Variants in SHROOM3 observed in about 807,000 individuals in gnomAD.
The protein encoded by SHROOM3 is shroom family member 3.
SHROOM3 carries 47 observed loss-of-function variants against 138.6 expected under a neutral mutation model. The observed-to-expected ratio is 0.34, with a 90% CI of 0.27 to 0.43. The LOEUF (loss-of-function observed/expected upper bound fraction) is 0.43, where lower values mean the gene tolerates loss of function less well. Ranked by LOEUF, SHROOM3 falls within the 20% of genes least tolerant of loss-of-function variation. The pLI is 1.00. For missense variants in SHROOM3, 2,491 were observed against 2,596.5 expected (o/e 0.96, Z 0.88); for synonymous variants, 1,062 against 1,063.3 (o/e 1.00, Z 0.02).
chr4:76,690,095 A>G (rs1719478189), intron 2 of SHROOM3, among the ~76,000 whole-genome samples: 1 of 152,138 alleles, frequency 6.6e-6, no homozygotes, highest in Non-Finnish European at 1.5e-5. Context: ...TCTGTAGGAA[A>G]GGCTCCTGAA....
intron 2 of SHROOM3, among the ~76,000 whole-genome samples, chr4:76,562,795 A>C (rs1239442085): frequency 4.6e-5 from 7 of 152,252 alleles, no homozygotes; most frequent in Non-Finnish European, 8.8e-5. Flanking sequence ...AGTTTAAAGA[A>C]GCAATTTATT....
At chr4:76,700,079 T>C (rs1031181101) in intron 2 of SHROOM3, among the ~76,000 whole-genome samples, 3 of 152,162 alleles carry the variant, frequency 2.0e-5, no homozygotes, top group African/African-American at 4.8e-5. Flanking sequence ...CAAATACTTA[T>C]TGGGCATCAT....
chr4:76,739,327 C>T lies in SHROOM3; in HGVS notation c.1154C>T (p.Pro385Leu), dbSNP rs775873096. 1.2e-6 allele frequency: 2 copies of T among 1,613,844 alleles called. No individual in the cohort carries two copies. Among genetic ancestry groups the T allele is most frequent in the African/African-American group, 2.7e-5 (2 of 74,942 alleles). ...CCTCCTAAGGTGGGTGCACCCCTGC[C>T]TCCAGCTCGGAGTGACAGTTACGCA... ...NLPPKVGAPL[P>L]PARSDSYAAF... Residue 385 changes from proline (P) to leucine (L), a missense_variant, in exon 5 of 11, where the codon CCT becomes CTT. Pro to Leu is a moderately conservative substitution (Grantham distance 98, BLOSUM62 -3). Coordinates refer to ENST00000296043, the MANE Select transcript of SHROOM3 (RefSeq NM_020859.4).
At chr4:76,772,905 C>T (rs1285520994) in intron 10 of SHROOM3, among the ~76,000 whole-genome samples, 2 of 152,136 alleles carry the variant, frequency 1.3e-5, no homozygotes, top group Non-Finnish European at 2.9e-5. Context: ...CGCAGTGACA[C>T]ATGAATACAG....
intron 2 of SHROOM3, among the ~76,000 whole-genome samples, chr4:76,637,122 A>G (rs1735519761): frequency 6.6e-6 from 1 of 152,232 alleles, no homozygotes; most frequent in South Asian, 2.1e-4. Flanking sequence ...ACTTACTGTA[A>G]TTGTCCAAGA....
At chr4:76,726,460 C>T (rs1720707084) in intron 3 of SHROOM3, among the ~76,000 whole-genome samples, 1 of 149,438 alleles carries the variant, frequency 6.7e-6, no homozygotes, top group Non-Finnish European at 1.5e-5. Context: ...GTCCCACAGG[C>T]ACTCATTCGC....
In SHROOM3 at chr4:76,754,930, G is replaced by A; in HGVS notation, c.4447G>A (p.Gly1483Arg). ...ACCTCTTGGGGCCCCGAGCACTCCA[G>A]GGAGGATCTCCCTCCGAATATCTGA... ...DTPLGAPSTP[G>R]RISLRISESV... is the part of the protein sequence containing the mutation. The change falls in exon 7 of 11, where the codon GGG becomes AGG. Residue 1483 changes from glycine (G) to arginine (R), a missense_variant. Gly to Arg is a moderately radical substitution (Grantham distance 125). Transcript: ENST00000296043. 2 of 1,614,164 alleles carry A rather than the reference G, an allele frequency of 1.2e-6. No homozygotes were observed. Among genetic ancestry groups the A allele is most frequent in the Non-Finnish European group, 1.7e-6 (2 of 1,180,014 alleles).
intron 2 of SHROOM3, among the ~76,000 whole-genome samples, chr4:76,693,366 G>GTTTGTTTTT (rs1460002096): frequency 1.7e-5 from 1 of 60,100 alleles, no homozygotes; most frequent in Non-Finnish European, 3.2e-5. Context: ...ATTTTGATAA[G>GTTTGTTTTT]TTTGTTTTTT....
chr4:76,751,359 C>T (rs1295014976), intron 6 of SHROOM3, among the ~76,000 whole-genome samples: 2 of 152,116 alleles, frequency 1.3e-5, no homozygotes, highest in African/African-American at 2.4e-5. Flanking sequence ...ATAATTCTCC[C>T]TGAATACATG....
At chr4:76,560,268 G>C (rs1733572982) in intron 2 of SHROOM3, among the ~76,000 whole-genome samples, 1 of 152,138 alleles carries the variant, frequency 6.6e-6, no homozygotes. Context: ...CATCCCTGAG[G>C]GTAATGGAAG....
intron 3 of SHROOM3, among the ~76,000 whole-genome samples, chr4:76,720,765 C>T (rs1373041340): frequency 6.6e-6 from 1 of 151,540 alleles, no homozygotes; most frequent in Admixed American, 6.6e-5. Context: ...GCACGCACCA[C>T]CACACCCCGC....
chr4:76,689,477 G>A, intron 2 of SHROOM3: 1 of 965,690 alleles, frequency 1.0e-6, no homozygotes, highest in South Asian at 4.8e-5. Flanking sequence ...GCGCCGCGCG[G>A]GATCAGCGTC....
chr4:76,629,910 G>T (rs368814199), intron 2 of SHROOM3, among the ~76,000 whole-genome samples: 4 of 152,300 alleles, frequency 2.6e-5, no homozygotes, highest in African/African-American at 9.6e-5. Flanking sequence ...AAACTGGGCT[G>T]GATATGTGAA....
chr4:76,742,021 CCCAGTT>C (rs1446510795), intron 5 of SHROOM3, 95 bp downstream of exon 5: 2 of 1,473,390 alleles, frequency 1.4e-6, no homozygotes, highest in Non-Finnish European at 1.9e-6. Context: ...CACCCGCTCT[CCCAGTT>C]CAGTTTTCCT....
At chr4:76,630,229 G>A (rs1735274784) in intron 2 of SHROOM3, among the ~76,000 whole-genome samples, 1 of 152,220 alleles carries the variant, frequency 6.6e-6, no homozygotes, top group Admixed American at 6.5e-5. Flanking sequence ...GCTCAGAGGA[G>A]TTAAATGACT....
At chr4:76,642,936 A>G (rs902003858) in intron 2 of SHROOM3, among the ~76,000 whole-genome samples, 2 of 152,104 alleles carry the variant, frequency 1.3e-5, no homozygotes, top group African/African-American at 4.8e-5. Context: ...GCCAGGAGCA[A>G]TGGCTCATGC....
chr4:76,741,087 G>A lies in SHROOM3; in HGVS notation c.2914G>A (p.Glu972Lys), dbSNP rs761180224. ...SSAHVGLRSP[E>K]ASASASPHTP... ...GGCCCACGTGGGGCTGCGGAGCCCC[G>A]AGGCGTCGGCCTCCGCCTCCCCGCA... Residue 972 changes from glutamate (E) to lysine (K), a missense_variant, in exon 5 of 11, where the codon GAG (glutamate) becomes AAG (lysine). This residue lies in a region of SHROOM3 where 1,733 missense variants were observed against 1,661.6 expected (regional missense o/e 1.04). Transcript: ENST00000296043. This position sits in a 1 kb window ranked among gnomAD's most constrained non-coding sequence, Gnocchi z 6.2. The A allele has an allele frequency of 1.3e-6, 2 of 1,542,670 alleles. No individual in the cohort carries two copies. The highest frequency in any genetic ancestry group is 1.7e-6 in the Non-Finnish European group (2 of 1,144,252).
intron 2 of SHROOM3, among the ~76,000 whole-genome samples, chr4:76,702,020 T>G (rs1719915737): frequency 6.6e-6 from 1 of 152,214 alleles, no homozygotes; most frequent in African/African-American, 2.4e-5. Flanking sequence ...AGAAAAATAG[T>G]ACCCATAATC....
At chr4:76,606,007 ATTTTTTTT>A (rs1164704632) in intron 2 of SHROOM3, among the ~76,000 whole-genome samples, 1 of 77,830 alleles carries the variant, frequency 1.3e-5, no homozygotes, top group Non-Finnish European at 2.4e-5. Flanking sequence ...ATATATATAT[ATTTTTTTT>A]TTTTTTTTTT....
Sources: gnomAD v4.1 joint callset for allele counts (sites outside exome capture counted in the v4.1 genomes callset) on GRCh38, gnomAD v4.1.1 for gene constraint, gnomAD v4.1.1 regional missense constraint, Gnocchi (gnomAD v3.1) non-coding constraint, MANE v1.5 for transcripts, NCBI Gene and HGNC (gene_info 2026-07-23, HGNC 2026-07-21) for gene names.